The following KDM3B variants were observed in gnomAD, a reference collection of about 807,000 sequenced individuals.
The protein encoded by KDM3B is lysine-specific demethylase 3B.
Under a neutral mutation model 170.0 loss-of-function variants are expected in KDM3B, and 10 were observed. The ratio of observed to expected loss-of-function variants is 0.06; its 90% CI spans 0.04 to 0.10. KDM3B has a LOEUF of 0.10. KDM3B is among the 10% of genes least tolerant of loss of function. The pLI is 1.00. For synonymous variants in KDM3B, 831 were observed against 834.8 expected (o/e 1.00, Z 0.08); for missense variants, 1,394 against 2,195.2 (o/e 0.64, Z 7.29).
intron 1 of KDM3B, among the ~76,000 whole-genome samples, chr5:138,363,361 A>G (rs1368720756): frequency 6.6e-6 from 1 of 151,798 alleles, no homozygotes; most frequent in Non-Finnish European, 1.5e-5. Context: ...ATTGATACGG[A>G]CTCACTGTTA....
intron 20 of KDM3B, among the ~76,000 whole-genome samples, 179 bp downstream of exon 20, chr5:138,428,265 G>C (rs538889349): frequency 6.6e-6 from 1 of 151,730 alleles, no homozygotes; most frequent in East Asian, 1.9e-4. Flanking sequence ...CTAGAGTGCA[G>C]AGGTGCGATC....
intron 13 of KDM3B, 163 bp downstream of exon 13, chr5:138,417,773 A>T: frequency 1.5e-6 from 1 of 654,604 alleles, no homozygotes; most frequent in Non-Finnish European, 2.6e-6. Context: ...TACTCAAAGG[A>T]TTTTAATTAC....
chr5:138,391,467 C>A lies in KDM3B; in HGVS notation c.1835C>A (p.Ala612Asp). 1 of 1,614,156 alleles carries A rather than the reference C, an allele frequency of 6.2e-7. No homozygotes were observed. The highest frequency in any genetic ancestry group is 1.3e-5 in the African/African-American group (1 of 75,036). ...TPAFPRSLLN[A>D]RTPENHENLF... ...GCCTTCCCACGGAGCCTCCTAAATG[C>A]CCGTACCCCAGAGAATCATGAAAAT... Residue 612 changes from alanine (A) to aspartate (D), a missense_variant, in exon 8 of 24, where the codon GCC becomes GAC. Physicochemically the swap from Ala to Asp is moderately radical, Grantham distance 126. This residue lies in a region of KDM3B where 294 missense variants were observed against 311.7 expected (regional missense o/e 0.94). Transcript: ENST00000314358. This position sits in a 1 kb window ranked among gnomAD's most constrained non-coding sequence, Gnocchi z 5.0.
chr5:138,430,383 C>T lies in KDM3B; in HGVS notation c.5028C>T (p.Phe1676=), dbSNP rs1207867431. 6.2e-7 allele frequency: 1 copy of T among 1,613,982 alleles called. No individual in the cohort carries two copies. The highest frequency in any genetic ancestry group is 1.3e-5 in the African/African-American group (1 of 74,910). Residue 1676 remains phenylalanine, a synonymous_variant, in exon 22 of 24, where the codon TTC becomes TTT. Transcript: ENST00000314358. The part of the protein sequence containing the change: ...YGVQGWAIVQ[F]LGDAVFIPAG... ...TGCAAGGCTGGGCTATTGTGCAGTT[C>T]CTAGGTGATGCTGTTTTCATACCTG...
intron 11 of KDM3B, among the ~76,000 whole-genome samples, chr5:138,412,824 G>T (rs542843438): frequency 1.3e-5 from 2 of 152,250 alleles, no homozygotes; most frequent in South Asian, 4.1e-4. Flanking sequence ...GTTTGGTTTT[G>T]TAGAAATGGG....
chr5:138,407,876 C>G (rs954335105), intron 11 of KDM3B, among the ~76,000 whole-genome samples: 1 of 152,092 alleles, frequency 6.6e-6, no homozygotes, highest in African/African-American at 2.4e-5. Flanking sequence ...CACTCCAGAG[C>G]GGGGAATGAT....
intron 1 of KDM3B, among the ~76,000 whole-genome samples, chr5:138,353,298 T>C (rs1023518583): frequency 2.0e-5 from 3 of 152,180 alleles, no homozygotes; most frequent in Non-Finnish European, 4.4e-5. Flanking sequence ...CGGAGCAGGC[T>C]CTCGAATCTT....
chr5:138,421,541 T>C (rs1308298727), intron 15 of KDM3B, among the ~76,000 whole-genome samples: 1 of 152,240 alleles, frequency 6.6e-6, no homozygotes, highest in Non-Finnish European at 1.5e-5. Flanking sequence ...TGTTGCTTCC[T>C]CTGTTCTGAG....
chr5:138,399,745 T>G, intron 10 of KDM3B, 115 bp from the exon 11 acceptor site: 1 of 847,040 alleles, frequency 1.2e-6, no homozygotes, highest in South Asian at 2.1e-5. Context: ...ACAGACTTTA[T>G]GAATCTTTGA....
chr5:138,354,142 CT>C (rs2126899421), intron 1 of KDM3B, among the ~76,000 whole-genome samples: 1 of 152,174 alleles, frequency 6.6e-6, no homozygotes, highest in Admixed American at 6.5e-5. Context: ...TTAGACTGTC[CT>C]TTTTCACTAA....
At chr5:138,376,967 A>G (rs760632707) in intron 3 of KDM3B, among the ~76,000 whole-genome samples, 8 of 152,180 alleles carry the variant, frequency 5.3e-5, no homozygotes, top group Non-Finnish European at 5.9e-5. Context: ...GAAAATTAGG[A>G]GACTCCTGAG....
At chr5:138,358,884 C>T (rs1387476229) in intron 1 of KDM3B, among the ~76,000 whole-genome samples, 2 of 151,364 alleles carry the variant, frequency 1.3e-5, no homozygotes, top group Admixed American at 6.6e-5. Context: ...TGCTGGTGTG[C>T]TGCACCCATT....
At chr5:138,401,720 C>G (rs1762699142) in intron 11 of KDM3B, among the ~76,000 whole-genome samples, 1 of 152,172 alleles carries the variant, frequency 6.6e-6, no homozygotes, top group African/African-American at 2.4e-5. Flanking sequence ...TCTAAAGTAG[C>G]TGCACTATGT....
Position 138,433,183 on chromosome 5 carries a change from C to G in KDM3B, c.5205+1624C>G, listed in dbSNP as rs1333079719. Among the ~76,000 whole-genome samples, 5 of 151,272 alleles carry G rather than the reference C, an allele frequency of 3.3e-5. No individual in the cohort carries two copies. The East Asian group carries it at 9.7e-4, about 29-fold the overall frequency. ...CTGGAGTGCAGTGGCATGATCTCGG[C>G]TCACTGCAACCTCCACCATCTGGGT... On this transcript the variant is annotated intron_variant, in intron 23 of 23. Coordinates refer to ENST00000314358, the MANE Select transcript of KDM3B (RefSeq NM_016604.4).
At chr5:138,422,911 T>A (rs1471391766) in intron 15 of KDM3B, among the ~76,000 whole-genome samples, 1 of 152,224 alleles carries the variant, frequency 6.6e-6, no homozygotes, top group Non-Finnish European at 1.5e-5. Context: ...GAGCCCTCTA[T>A]ACAATTTGGG....
At chr5:138,392,284 TG>T in intron 8 of KDM3B, 23 bp downstream of exon 8, 3 of 1,469,598 alleles carry the variant, frequency 2.0e-6, no homozygotes, top group South Asian at 3.1e-5. Flanking sequence ...GGGCTATATT[TG>T]GGCTTTGCTC....
chr5:138,425,646 C>T (rs1210988050), intron 17 of KDM3B, 64 bp downstream of exon 17: 2 of 1,356,962 alleles, frequency 1.5e-6, no homozygotes, highest in Non-Finnish European at 2.0e-6. Flanking sequence ...ATACGCCCAG[C>T]TCTGCCCTTG....
intron 2 of KDM3B, chr5:138,374,309 C>T (rs1470861944): frequency 2.3e-5 from 10 of 443,030 alleles, no homozygotes; most frequent in African/African-American, 2.0e-4. Context: ...GTTGCTCAGG[C>T]TGGAGTGCAA....
At chr5:138,411,784 C>T (rs1762976221) in intron 11 of KDM3B, among the ~76,000 whole-genome samples, 1 of 150,726 alleles carries the variant, frequency 6.6e-6, no homozygotes, top group African/African-American at 2.4e-5. Flanking sequence ...ACTGCAGCTT[C>T]CACCTCCCAG....
Sources: gnomAD v4.1 joint callset for allele counts (sites outside exome capture counted in the v4.1 genomes callset) on GRCh38, gnomAD v4.1.1 for gene constraint, gnomAD v4.1.1 regional missense constraint, Gnocchi (gnomAD v3.1) non-coding constraint, MANE v1.5 for transcripts, NCBI Gene and HGNC (gene_info 2026-07-23, HGNC 2026-07-21) for gene names.